Variants in DOCK9 observed in about 807,000 individuals in gnomAD.
The protein encoded by DOCK9 is dedicator of cytokinesis protein 9.
In DOCK9, 89 loss-of-function variants were observed where a neutral mutation model predicts 263.3. That is an observed-to-expected ratio of 0.34 (90% CI 0.28 to 0.40). The LOEUF (loss-of-function observed/expected upper bound fraction) is 0.40, where lower values mean the gene tolerates loss of function less well. DOCK9 is among the 10% of genes least tolerant of loss of function. The pLI, the probability that DOCK9 is intolerant of heterozygous loss-of-function variation, is 1.00. For missense variants in DOCK9, 2,140 were observed against 2,603.4 expected (o/e 0.82, Z 3.87); for synonymous variants, 976 against 973.1 (o/e 1.00, Z -0.06).
intron 1 of DOCK9, among the ~76,000 whole-genome samples, chr13:99,072,759 G>A (rs1334095224): frequency 1.3e-5 from 2 of 152,102 alleles, no homozygotes; most frequent in Non-Finnish European, 2.9e-5. Flanking sequence ...CTGGCACTTG[G>A]GACGCCGAGG....
At chr13:98,922,251 C>CATTG (rs1439872522) in intron 5 of DOCK9, 105 bp from the exon 6 acceptor site, 6 of 761,774 alleles carry the variant, frequency 7.9e-6, no homozygotes, top group Non-Finnish European at 1.3e-5. Flanking sequence ...CCAAGTTGTC[C>CATTG]ATTGCCCCTT....
At chr13:98,925,239 G>A (rs779672957) in intron 4 of DOCK9, among the ~76,000 whole-genome samples, 1 of 152,030 alleles carries the variant, frequency 6.6e-6, no homozygotes, top group Non-Finnish European at 1.5e-5. Context: ...TTCCTTTAAA[G>A]CAACACACAA....
intron 1 of DOCK9, among the ~76,000 whole-genome samples, chr13:99,040,569 T>A (rs1429480738): frequency 6.6e-6 from 1 of 152,234 alleles, no homozygotes; most frequent in African/African-American, 2.4e-5. Flanking sequence ...CCAAACATTA[T>A]ACCAGATTTA....
intron 4 of DOCK9, among the ~76,000 whole-genome samples, chr13:98,924,420 G>T (rs916717173): frequency 6.6e-6 from 1 of 152,240 alleles, no homozygotes; most frequent in African/African-American, 2.4e-5. Context: ...TTTCATTGGT[G>T]ATGGTTAGTT....
intron 1 of DOCK9, among the ~76,000 whole-genome samples, chr13:99,085,582 G>A (rs1369362361): frequency 6.6e-6 from 1 of 152,176 alleles, no homozygotes; most frequent in Non-Finnish European, 1.5e-5. Context: ...ACCCCCAAAC[G>A]TCACAGGAAT....
chr13:98,888,052 A>C, intron 18 of DOCK9, 106 bp downstream of exon 18: 1 of 715,750 alleles, frequency 1.4e-6, no homozygotes, highest in Non-Finnish European at 2.3e-6. Context: ...GATTTGTGTC[A>C]ATTAAAATGT....
intron 2 of DOCK9, among the ~76,000 whole-genome samples, chr13:98,954,530 C>T (rs947711087): frequency 6.6e-6 from 1 of 152,212 alleles, no homozygotes; most frequent in Non-Finnish European, 1.5e-5. Context: ...CCTGAAAGAG[C>T]GGCACACAGC....
chr13:99,018,288 T>C (rs2141991968), intron 1 of DOCK9, among the ~76,000 whole-genome samples: 1 of 152,338 alleles, frequency 6.6e-6, no homozygotes, highest in East Asian at 1.9e-4. Flanking sequence ...AATAAAAGAA[T>C]GAGGTCAGTC....
At chr13:99,036,026 T>C (rs1887835211) in intron 1 of DOCK9, among the ~76,000 whole-genome samples, 1 of 152,116 alleles carries the variant, frequency 6.6e-6, no homozygotes, top group African/African-American at 2.4e-5. Context: ...TTGTCAGCCT[T>C]CCAAGCCTGC....
chr13:98,809,511 G>A, intron 46 of DOCK9, 46 bp from the exon 47 acceptor site: 1 of 1,468,888 alleles, frequency 6.8e-7, no homozygotes, highest in Non-Finnish European at 9.2e-7. Flanking sequence ...GCAAAGAGGA[G>A]AATCGATTTT....
At chr13:98,979,554 G>A (rs948620408), upstream of DOCK9, among the ~76,000 whole-genome samples, 2 of 152,036 alleles carry the variant, frequency 1.3e-5, no homozygotes, top group Non-Finnish European at 2.9e-5. Flanking sequence ...TTCTGAGTGT[G>A]AATATCAATT....
chr13:99,009,481 ATGACACCT>A (rs982912630), intron 1 of DOCK9, among the ~76,000 whole-genome samples: 42 of 152,308 alleles, frequency 2.8e-4, no homozygotes, highest in African/African-American at 9.1e-4. Context: ...CCGGGCCTTC[ATGACACCT>A]CGAGGCAGAT....
chr13:98,820,586 C>T (rs1314254287), intron 45 of DOCK9: 7 of 298,582 alleles, frequency 2.3e-5, no homozygotes, highest in Non-Finnish European at 4.6e-5. Flanking sequence ...AGGAGGAACA[C>T]ATCCATCCCA....
chr13:99,026,973 T>C (rs2142039254), intron 1 of DOCK9, among the ~76,000 whole-genome samples: 1 of 152,220 alleles, frequency 6.6e-6, no homozygotes, highest in East Asian at 1.9e-4. Context: ...ATATTCCAAA[T>C]ACTGAGCACA....
At position 99,023,707 on chromosome 13, in the gene DOCK9, T is replaced by TA. The variant is rs1336825912; in HGVS notation, c.129+62515dup. On this transcript the variant is annotated intron_variant, in intron 1 of 32. Transcript: ENST00000427887. The stretch of plus-strand genomic sequence containing the variant: ...TTGGGCATTGTTTTCCTATCACTTC[T>TA]AGAAACAGGTGAGGTGTAAGACCAG... Among the ~76,000 whole-genome samples, 8 of 152,342 alleles carry TA rather than the reference T, an allele frequency of 5.3e-5. No individual in the cohort carries two copies. The East Asian group carries it at 1.5e-3, about 29-fold the overall frequency.
At position 98,825,798 on chromosome 13, in the gene DOCK9, C is replaced by G. The variant is rs1566616371; in HGVS notation, c.5023+1032G>C. The G allele has an allele frequency of 9.6e-7, 1 of 1,040,080 alleles. No individual in the cohort carries two copies. Among genetic ancestry groups the G allele is most frequent in the Non-Finnish European group, 1.3e-6 (1 of 761,734 alleles). The allele number at this position is 1,040,080 out of a possible 1,614,324, so 64.4% of individuals were successfully genotyped here. The stretch of plus-strand genomic sequence containing the variant: ...GTCTGTCCATGCAAAGTTAAAAGGG[C>G]AAATCCCCCACCACGGGAGGGCACG... On this transcript the variant is annotated intron_variant, in intron 44 of 52. Coordinates refer to ENST00000682017, the MANE Select transcript of DOCK9 (RefSeq NM_001366683.2). This position sits in a 1 kb window ranked among gnomAD's most constrained non-coding sequence, Gnocchi z 4.1.
intron 37 of DOCK9, among the ~76,000 whole-genome samples, chr13:98,848,238 A>C (rs1019917587): frequency 6.6e-6 from 1 of 152,164 alleles, no homozygotes; most frequent in African/African-American, 2.4e-5. Flanking sequence ...CAAACAGAGG[A>C]AGAGAAACCA....
chr13:98,938,873 T>C (rs2055341660), intron 2 of DOCK9, among the ~76,000 whole-genome samples: 1 of 152,184 alleles, frequency 6.6e-6, no homozygotes, highest in African/African-American at 2.4e-5. Flanking sequence ...TGGGACCATA[T>C]GAGCAATGAG....
At chr13:99,008,778 GGTCCCAGGAGGA>G (rs1397492634) in intron 1 of DOCK9, among the ~76,000 whole-genome samples, 1 of 152,106 alleles carries the variant, frequency 6.6e-6, no homozygotes, top group African/African-American at 2.4e-5. Flanking sequence ...GAGTTGGCGG[GGTCCCAGGAGGA>G]TCATTTCCTC....
Sources: allele counts gnomAD v4.1 joint callset (sites outside exome capture counted in the v4.1 genomes callset), GRCh38; gene constraint gnomAD v4.1.1; non-coding constraint Gnocchi (gnomAD v3.1); transcripts MANE v1.5; gene names NCBI Gene and HGNC (gene_info 2026-07-23, HGNC 2026-07-21).